The following TOM1L2 variants were observed in gnomAD, a reference collection of about 807,000 sequenced individuals.
TOM1L2 encodes the protein target of myb1 like 2 membrane trafficking protein.
In TOM1L2, 31 loss-of-function variants were observed where a neutral mutation model predicts 67.9. The observed-to-expected ratio is 0.46, with a 90% CI of 0.34 to 0.62. TOM1L2 has a LOEUF of 0.62. TOM1L2 is among the 20% of genes least tolerant of loss of function. The pLI, the probability that TOM1L2 is intolerant of heterozygous loss-of-function variation, is 0.01. For synonymous variants in TOM1L2, 256 were observed against 254.0 expected (o/e 1.01, Z -0.07); for missense variants, 606 against 663.5 (o/e 0.91, Z 0.95).
At chr17:17,849,402 G>A (rs1361149955) in intron 13 of TOM1L2, among the ~76,000 whole-genome samples, 3 of 152,238 alleles carry the variant, frequency 2.0e-5, no homozygotes, top group African/African-American at 4.8e-5. Flanking sequence ...CACTCAGTAG[G>A]TACTTTGGGA....
chr17:17,851,319 C>T (rs4925120), intron 12 of TOM1L2: 176,642 of 332,830 alleles, frequency 0.53, 50,470 homozygotes, highest in Non-Finnish European at 0.63. Context: ...GGCGCTGCCA[C>T]GCAGGCTGAT....
intron 7 of TOM1L2, among the ~76,000 whole-genome samples, chr17:17,874,707 T>G (rs2037332946): frequency 1.3e-5 from 2 of 152,174 alleles, no homozygotes; most frequent in Admixed American, 6.5e-5. Flanking sequence ...ACCAGGAACA[T>G]CTGCTCTGGC....
At chr17:17,968,370 AGAACG>A (rs2041942098) in intron 1 of TOM1L2, among the ~76,000 whole-genome samples, 1 of 152,210 alleles carries the variant, frequency 6.6e-6, no homozygotes, top group African/African-American at 2.4e-5. Flanking sequence ...AGTCAGTTAA[AGAACG>A]TAGTCTTTGG....
At chr17:17,937,709 T>C (rs529333535) in intron 1 of TOM1L2, among the ~76,000 whole-genome samples, 2 of 152,174 alleles carry the variant, frequency 1.3e-5, no homozygotes, top group South Asian at 2.1e-4. Flanking sequence ...CTGCAGGCTG[T>C]AGGAATGAGA....
chr17:17,934,953 G>C (rs2040462712), intron 1 of TOM1L2, among the ~76,000 whole-genome samples: 1 of 152,220 alleles, frequency 6.6e-6, no homozygotes, highest in South Asian at 2.1e-4. Flanking sequence ...CAGCCACCGT[G>C]CTGCACTCAG....
chr17:17,862,146 G>A (rs1413526933), intron 11 of TOM1L2: 1 of 153,250 alleles, frequency 6.5e-6, no homozygotes, highest in Non-Finnish European at 1.5e-5. Context: ...CTGGGTCCCT[G>A]GGAAAGGTGG....
intron 1 of TOM1L2, among the ~76,000 whole-genome samples, chr17:17,918,868 G>C (rs2039739141): frequency 6.6e-6 from 1 of 152,184 alleles, no homozygotes; most frequent in African/African-American, 2.4e-5. Context: ...TTGGAGGCAG[G>C]ACATCTTCAT....
intron 1 of TOM1L2, among the ~76,000 whole-genome samples, chr17:17,929,556 G>A (rs1414859577): frequency 1.3e-5 from 2 of 152,158 alleles, no homozygotes; most frequent in Admixed American, 6.5e-5. Flanking sequence ...GCTTGAACCC[G>A]GGAAGCGGAG....
intron 7 of TOM1L2, among the ~76,000 whole-genome samples, chr17:17,877,015 C>G (rs71367418): frequency 4.6e-5 from 7 of 152,336 alleles, no homozygotes; most frequent in Non-Finnish European, 8.8e-5. Flanking sequence ...TGTGTTCACT[C>G]TGGGCACCCT....
chr17:17,971,806 C>T (rs2042100626), intron 1 of TOM1L2, among the ~76,000 whole-genome samples: 1 of 152,242 alleles, frequency 6.6e-6, no homozygotes, highest in Non-Finnish European at 1.5e-5. Context: ...GGGGCATCTC[C>T]GAGTCCAAGT....
At chr17:17,911,584 T>C (rs77995948) in intron 1 of TOM1L2, among the ~76,000 whole-genome samples, 3,858 of 152,280 alleles carry the variant, frequency 0.025, 141 homozygotes, top group African/African-American at 0.082. Context: ...GGAGCCCACA[T>C]TGAGTGGCCT....
intron 1 of TOM1L2, among the ~76,000 whole-genome samples, chr17:17,910,745 T>C (rs1325663107): frequency 1.3e-5 from 2 of 152,084 alleles, no homozygotes; most frequent in Non-Finnish European, 2.9e-5. Context: ...AATTTTTGTA[T>C]TTGTAGTAGA....
intron 1 of TOM1L2, among the ~76,000 whole-genome samples, chr17:17,909,986 G>A (rs1197280975): frequency 1.3e-5 from 2 of 152,162 alleles, no homozygotes; most frequent in African/African-American, 2.4e-5. Flanking sequence ...ATATGATTGA[G>A]CCACTGCATT....
chr17:17,857,030 C>T (rs941573865), intron 12 of TOM1L2, among the ~76,000 whole-genome samples: 13 of 152,260 alleles, frequency 8.5e-5, no homozygotes, highest in Non-Finnish European at 1.0e-4. Flanking sequence ...TCTCAGCTCA[C>T]TACAATCTCT....
intron 2 of TOM1L2, 82 bp from the exon 3 acceptor site, chr17:17,898,756 T>C: frequency 1.5e-6 from 2 of 1,370,424 alleles, no homozygotes; most frequent in Non-Finnish European, 2.1e-6. Flanking sequence ...CTAGTATATA[T>C]GCAAGACTAT....
intron 1 of TOM1L2, among the ~76,000 whole-genome samples, chr17:17,958,350 A>G (rs2041549531): frequency 1.3e-5 from 2 of 152,212 alleles, no homozygotes; most frequent in Non-Finnish European, 2.9e-5. Flanking sequence ...CCAGTGCCAG[A>G]AAAAGTAGAT....
intron 6 of TOM1L2, among the ~76,000 whole-genome samples, chr17:17,880,962 G>A (rs889486914): frequency 2.6e-5 from 4 of 152,094 alleles, no homozygotes; most frequent in Admixed American, 6.5e-5. Context: ...AACCACTCCC[G>A]CCTCCTCAGG....
At chr17:17,912,528 C>T (rs1332908052) in intron 1 of TOM1L2, among the ~76,000 whole-genome samples, 1 of 150,576 alleles carries the variant, frequency 6.6e-6, no homozygotes, top group East Asian at 2.0e-4. Context: ...CTGGCAGAGG[C>T]GCTCCTCACA....
At chr17:17,949,866 A>T (rs8075965) in intron 1 of TOM1L2, among the ~76,000 whole-genome samples, 75,519 of 151,792 alleles carry the variant, frequency 0.5, 19,891 homozygotes, top group East Asian at 0.86. Flanking sequence ...TTTATTTTTT[A>T]AATTTTATTT....
Sources: gnomAD v4.1 joint callset for allele counts (sites outside exome capture counted in the v4.1 genomes callset) on GRCh38, gnomAD v4.1.1 for gene constraint, MANE v1.5 for transcripts, NCBI Gene and HGNC (gene_info 2026-07-23, HGNC 2026-07-21) for gene names.